Variants in UNC5D observed in about 807,000 individuals in gnomAD.
The protein encoded by UNC5D is unc-5 netrin receptor D.
UNC5D carries 39 observed loss-of-function variants against 105.4 expected under a neutral mutation model. The observed-to-expected ratio is 0.37, with a 90% CI of 0.29 to 0.48. The LOEUF is 0.48. Ranked by LOEUF, UNC5D falls within the 20% of genes least tolerant of loss-of-function variation. UNC5D has a pLI of 0.98. For synonymous variants in UNC5D, 452 were observed against 450.4 expected, an observed-to-expected ratio of 1.00 and a Z score of -0.04; for missense variants, 991 against 1,202.4, an observed-to-expected ratio of 0.82 and a Z score of 2.60.
intron 1 of UNC5D, among the ~76,000 whole-genome samples, chr8:35,307,212 C>A (rs1394637546): frequency 6.6e-6 from 1 of 152,172 alleles, no homozygotes; most frequent in Non-Finnish European, 1.5e-5. Context: ...TGCATGTGGT[C>A]CATGGGCCGC....
At chr8:35,499,463 G>T (rs1260250457) in intron 1 of UNC5D, among the ~76,000 whole-genome samples, 1 of 152,190 alleles carries the variant, frequency 6.6e-6, no homozygotes, top group Non-Finnish European at 1.5e-5. Context: ...ATGTGATTCA[G>T]TGACTGTACT....
At chr8:35,314,441 A>G (rs1809128858) in intron 1 of UNC5D, among the ~76,000 whole-genome samples, 2 of 152,174 alleles carry the variant, frequency 1.3e-5, no homozygotes, top group South Asian at 4.1e-4. Context: ...AGACCTAGAA[A>G]ACATCCATAT....
chr8:35,503,582 C>T lies in UNC5D; in HGVS notation c.104-45710C>T, dbSNP rs1001440027. 2.6e-5 allele frequency among the ~76,000 whole-genome samples: 4 copies of T among 152,156 alleles called. No individual in the cohort carries two copies. The South Asian group carries it at 8.3e-4, about 32-fold the overall frequency. ...GGCAAGTGTCAGGGAAAGGATATGA[C>T]CCTGTGCTCAGGACTGTGAATATTT... On this transcript the variant is annotated intron_variant, in intron 1 of 16. Coordinates refer to ENST00000404895, the MANE Select transcript of UNC5D (RefSeq NM_080872.4).
chr8:35,520,245 T>A (rs1452057697), intron 1 of UNC5D, among the ~76,000 whole-genome samples: 3 of 152,048 alleles, frequency 2.0e-5, no homozygotes, highest in Non-Finnish European at 4.4e-5. Flanking sequence ...AAATGAAGCA[T>A]CAAGATATGC....
At chr8:35,626,163 C>T (rs1371938857) in intron 4 of UNC5D, among the ~76,000 whole-genome samples, 1 of 147,170 alleles carries the variant, frequency 6.8e-6, no homozygotes, top group Non-Finnish European at 1.5e-5. Flanking sequence ...CAAAATACCA[C>T]ATGGATTTCT....
At chr8:35,788,429 T>G (rs565964710) in intron 16 of UNC5D, among the ~76,000 whole-genome samples, 7 of 152,216 alleles carry the variant, frequency 4.6e-5, no homozygotes, top group African/African-American at 1.7e-4. Flanking sequence ...ACTGTAAAAG[T>G]CCCTATGAAG....
intron 1 of UNC5D, among the ~76,000 whole-genome samples, chr8:35,548,216 A>G (rs1012879983): frequency 6.6e-6 from 1 of 151,998 alleles, no homozygotes; most frequent in East Asian, 1.9e-4. Context: ...TCAAGTTGAC[A>G]CTCCATATTA....
In UNC5D at chr8:35,588,704, A is replaced by G. The variant is rs536770291; in HGVS notation, c.467-6850A>G. 8.0e-5 allele frequency among the ~76,000 whole-genome samples: 12 copies of G among 150,374 alleles called. No homozygotes were observed. The South Asian group carries it at 2.3e-3, about 29-fold the overall frequency. ...GGGAGTCAACAGCGGGAGTGAGTGA[A>G]GAAGGCTATTGCACTTCTACACAAC... On this transcript the variant is annotated intron_variant, in intron 3 of 16. Coordinates refer to ENST00000404895, the MANE Select transcript of UNC5D (RefSeq NM_080872.4).
At chr8:35,375,577 G>A (rs1446730769) in intron 1 of UNC5D, among the ~76,000 whole-genome samples, 2 of 152,048 alleles carry the variant, frequency 1.3e-5, no homozygotes, top group African/African-American at 2.4e-5. Flanking sequence ...TAAGATTAAT[G>A]GTGTTGGCTT....
chr8:35,708,446 T>C (rs1363192330), intron 8 of UNC5D, among the ~76,000 whole-genome samples: 1 of 152,236 alleles, frequency 6.6e-6, no homozygotes, highest in Non-Finnish European at 1.5e-5. Flanking sequence ...TTATGAGATT[T>C]AATCATAGTT....
At chr8:35,712,213 T>C (rs879439136) in intron 8 of UNC5D, among the ~76,000 whole-genome samples, 2 of 152,144 alleles carry the variant, frequency 1.3e-5, no homozygotes, top group Admixed American at 1.3e-4. Flanking sequence ...AGAGGTTACA[T>C]TGAGTCAACA....
chr8:35,620,751 G>A (rs767564369), intron 4 of UNC5D, among the ~76,000 whole-genome samples: 1 of 151,850 alleles, frequency 6.6e-6, no homozygotes, highest in Non-Finnish European at 1.5e-5. Context: ...TCTTATTATT[G>A]GGCTTTCATC....
intron 1 of UNC5D, among the ~76,000 whole-genome samples, chr8:35,244,087 G>A (rs1181167162): frequency 6.6e-6 from 1 of 152,162 alleles, no homozygotes; most frequent in Non-Finnish European, 1.5e-5. Flanking sequence ...TTTAATTCAT[G>A]TGCATGCAAC....
chr8:35,568,087 C>G lies in UNC5D; in HGVS notation c.323-11C>G, dbSNP rs755359120. The G allele has an allele frequency of 1.2e-6, 2 of 1,613,452 alleles. No individual in the cohort carries two copies. Among genetic ancestry groups the G allele is most frequent in the African/African-American group, 2.7e-5 (2 of 74,922 alleles). On this transcript the variant is annotated splice_polypyrimidine_tract_variant and intron_variant, in intron 2 of 16. Coordinates refer to ENST00000404895, the MANE Select transcript of UNC5D (RefSeq NM_080872.4). The stretch of plus-strand genomic sequence containing the variant: ...CTCAGCTGATTTGTCTCTTATCTCT[C>G]CCACCATCAGGTTTGAAGGTCCGCG...
intron 1 of UNC5D, among the ~76,000 whole-genome samples, chr8:35,304,796 A>G (rs1407806807): frequency 2.0e-5 from 3 of 152,056 alleles, no homozygotes; most frequent in African/African-American, 7.2e-5. Context: ...GGTTTGCTCT[A>G]TTTACTGTGT....
chr8:35,622,364 A>G (rs922407191), intron 4 of UNC5D, among the ~76,000 whole-genome samples: 2 of 151,472 alleles, frequency 1.3e-5, no homozygotes, highest in African/African-American at 2.4e-5. Context: ...ACAAACAAAC[A>G]AAACAAACAA....
At chr8:35,447,464 T>C (rs1443070072) in intron 1 of UNC5D, among the ~76,000 whole-genome samples, 1 of 152,108 alleles carries the variant, frequency 6.6e-6, no homozygotes, top group Non-Finnish European at 1.5e-5. Flanking sequence ...GAGTCCACAG[T>C]TGAAACTAGG....
intron 16 of UNC5D, among the ~76,000 whole-genome samples, chr8:35,785,264 G>A (rs1346839296): frequency 6.6e-6 from 1 of 152,098 alleles, no homozygotes; most frequent in East Asian, 1.9e-4. Flanking sequence ...TGGATACATG[G>A]CAAACCAATT....
chr8:35,505,813 G>T (rs1169992467), intron 1 of UNC5D, among the ~76,000 whole-genome samples: 1 of 152,154 alleles, frequency 6.6e-6, no homozygotes, highest in Admixed American at 6.5e-5. Flanking sequence ...ACAGTGGTTG[G>T]CTCTGGAGCC....
Sources: gnomAD v4.1 joint callset for allele counts (sites outside exome capture counted in the v4.1 genomes callset) on GRCh38, gnomAD v4.1.1 for gene constraint, MANE v1.5 for transcripts, NCBI Gene and HGNC (gene_info 2026-07-23, HGNC 2026-07-21) for gene names.